AUH: variants seen among roughly 807,000 people sequenced by gnomAD.
AUH encodes methylglutaconyl-CoA hydratase, mitochondrial.
A neutral mutation model predicts 42.3 loss-of-function variants in AUH; 29 were observed. The ratio of observed to expected loss-of-function variants is 0.69; its 90% CI spans 0.51 to 0.93. AUH has a LOEUF of 0.93. Ranked by LOEUF, AUH falls within the 40% of genes least tolerant of loss-of-function variation. The pLI, the probability that AUH is intolerant of heterozygous loss-of-function variation, is 0.00. For synonymous variants in AUH, 174 were observed against 166.4 expected, an observed-to-expected ratio of 1.05 and a Z score of -0.35; for missense variants, 452 against 438.1, an observed-to-expected ratio of 1.03 and a Z score of -0.28.
intron 4 of AUH, among the ~76,000 whole-genome samples, chr9:91,298,768 A>G (rs1827549908): frequency 1.3e-5 from 2 of 152,214 alleles, no homozygotes; most frequent in Non-Finnish European, 2.9e-5. Context: ...AACTTTTGTA[A>G]ATTATGACAT....
rs146789616 is a variant in AUH, at chr9:91,269,740, T to C, written c.655+26281A>G. The stretch of plus-strand genomic sequence containing the variant: ...ATACAAAATGCAGTTGAAGAAATGT[T>C]TGAGTTCAGCTACCCCTTTATGACA... On this transcript the variant is annotated intron_variant, in intron 6 of 9. Coordinates refer to ENST00000375731, the MANE Select transcript of AUH (RefSeq NM_001698.3). Among the ~76,000 whole-genome samples the C allele has an allele frequency of 6.0e-4, 91 of 152,346 alleles. 1 individual carries two copies. The East Asian group carries it at 0.017, about 29-fold the overall frequency.
In AUH at chr9:91,361,774, G is replaced by A. The variant is rs767881118; in HGVS notation, c.116C>T (p.Ser39Leu). The A allele has an allele frequency of 1.3e-6, 2 of 1,544,264 alleles. No individual in the cohort carries two copies. The highest frequency in any genetic ancestry group is 1.7e-6 in the Non-Finnish European group (2 of 1,145,908). The part of the protein sequence containing the change: ...WLCPGLRLPG[S>L]LAGRRAGPAI... Reference sequence around the variant, plus strand: ...CGGGCCCGCTCGCCGGCCTGCCAACGAGCCGGGCAGCCTCAACCCCGGGCA... The same window carrying A: ...CGGGCCCGCTCGCCGGCCTGCCAACAAGCCGGGCAGCCTCAACCCCGGGCA... The change falls in exon 1 of 10, where the codon TCG (serine) becomes TTG (leucine). Residue 39 changes from serine (S) to leucine (L), a missense_variant. Physicochemically the swap from Ser to Leu is moderately radical, Grantham distance 145. Transcript: ENST00000375731.
intron 4 of AUH, among the ~76,000 whole-genome samples, chr9:91,314,084 A>G (rs111896692): frequency 2.2e-4 from 34 of 152,220 alleles, no homozygotes; most frequent in African/African-American, 8.2e-4. Flanking sequence ...TCAGGCTCCC[A>G]AAGTGTTAGG....
intron 6 of AUH, among the ~76,000 whole-genome samples, chr9:91,247,408 G>A (rs1254462141): frequency 6.6e-6 from 1 of 151,882 alleles, no homozygotes; most frequent in African/African-American, 2.4e-5. Flanking sequence ...ACTCCCACTG[G>A]TCCATTTTTC....
In AUH at chr9:91,299,038, G is replaced by A. The variant is rs1330742568; in HGVS notation, c.506-962C>T. On this transcript the variant is annotated intron_variant, in intron 4 of 9. Coordinates refer to ENST00000375731, the MANE Select transcript of AUH (RefSeq NM_001698.3). ...GTTCAAGACCAGCCTGGCCAACATG[G>A]TGAAACCTCATCTCTACAAAAATAC... is the stretch of plus-strand genomic sequence containing the variant. 2.6e-5 allele frequency among the ~76,000 whole-genome samples: 4 copies of A among 152,138 alleles called. No homozygotes were observed. In the East Asian group the frequency reaches 7.7e-4, roughly 29 times the overall value.
chr9:91,284,740 C>T (rs1826261304), intron 6 of AUH, among the ~76,000 whole-genome samples: 1 of 152,148 alleles, frequency 6.6e-6, no homozygotes. Flanking sequence ...CAGAGAAATG[C>T]AAATCAAAAC....
intron 6 of AUH, among the ~76,000 whole-genome samples, chr9:91,225,297 G>C (rs1827376286): frequency 6.6e-6 from 1 of 152,166 alleles, no homozygotes; most frequent in South Asian, 2.1e-4. Flanking sequence ...GCCATGCCTG[G>C]CATCAGACTG....
chr9:91,284,533 A>T (rs1281265059), intron 6 of AUH, among the ~76,000 whole-genome samples: 2 of 152,238 alleles, frequency 1.3e-5, no homozygotes, highest in Non-Finnish European at 2.9e-5. Context: ...GGCAACCTAC[A>T]GAATGGGAGA....
intron 4 of AUH, among the ~76,000 whole-genome samples, chr9:91,309,560 T>C (rs1463081674): frequency 1.3e-5 from 2 of 152,002 alleles, no homozygotes; most frequent in African/African-American, 4.8e-5. Context: ...AACTCGGAAA[T>C]AGAAAATCAA....
intron 6 of AUH, among the ~76,000 whole-genome samples, chr9:91,226,211 T>A (rs543095282): frequency 2.7e-4 from 41 of 150,746 alleles, no homozygotes; most frequent in Non-Finnish European, 1.3e-4. Flanking sequence ...CTCCAGCACC[T>A]GTTGTTTCCT....
chr9:91,281,093 T>TA (rs1825927816), intron 6 of AUH, among the ~76,000 whole-genome samples: 1 of 144,178 alleles, frequency 6.9e-6, no homozygotes, highest in African/African-American at 2.7e-5. Context: ...ATTTCTTTGA[T>TA]TTTTTCCCCC....
At chr9:91,234,850 C>G (rs1828087469) in intron 6 of AUH, among the ~76,000 whole-genome samples, 1 of 147,228 alleles carries the variant, frequency 6.8e-6, no homozygotes, top group African/African-American at 2.5e-5. Context: ...AGACAGCACA[C>G]TAGATGACTA....
chr9:91,264,244 T>C (rs1829852057), intron 6 of AUH, among the ~76,000 whole-genome samples: 1 of 152,164 alleles, frequency 6.6e-6, no homozygotes, highest in Non-Finnish European at 1.5e-5. Context: ...TACAATAAAT[T>C]TTAAAAATCT....
intron 6 of AUH, among the ~76,000 whole-genome samples, chr9:91,232,164 A>G (rs1038128090): frequency 2.6e-5 from 4 of 152,202 alleles, no homozygotes; most frequent in African/African-American, 7.2e-5. Context: ...GCAGGGGGAT[A>G]GCTTGAGCCC....
Position 91,361,664 on chromosome 9 carries a change from C to G in AUH, c.226G>C (p.Glu76Gln). 6.3e-7 allele frequency: 1 copy of G among 1,581,698 alleles called. No homozygotes were observed. The highest frequency in any genetic ancestry group is 8.6e-7 in the Non-Finnish European group (1 of 1,164,064). ...TCCTCCAGGTGCCGCACCCGCAGCTCGTCCTCCGTCTTCATCTCAGAGCTG... is the reference window on the plus strand; with the variant it reads ...TCCTCCAGGTGCCGCACCCGCAGCTGGTCCTCCGTCTTCATCTCAGAGCTG... Reference protein sequence around the residue: ...GYSSEMKTEDELRVRHLEEEN... With the variant: ...GYSSEMKTEDQLRVRHLEEEN... Residue 76 changes from glutamate to glutamine, a missense_variant, in exon 1 of 10, where the codon GAG becomes CAG. Physicochemically the swap from Glu to Gln is conservative, Grantham distance 29. Coordinates refer to ENST00000375731, the MANE Select transcript of AUH (RefSeq NM_001698.3).
chr9:91,304,864 C>A (rs1587819905), intron 4 of AUH, among the ~76,000 whole-genome samples: 1 of 152,114 alleles, frequency 6.6e-6, no homozygotes, highest in Non-Finnish European at 1.5e-5. Context: ...AACTTGTGCA[C>A]CAAGTAACAG....
chr9:91,296,830 C>A (rs1827373097), intron 5 of AUH, among the ~76,000 whole-genome samples: 1 of 152,180 alleles, frequency 6.6e-6, no homozygotes, highest in African/African-American at 2.4e-5. Context: ...GAAACTGAAT[C>A]ATGTTGACGC....
At chr9:91,316,730 A>G (rs561976346) in intron 4 of AUH, among the ~76,000 whole-genome samples, 10 of 152,326 alleles carry the variant, frequency 6.6e-5, no homozygotes, top group African/African-American at 1.9e-4. Context: ...AAGGCTGTAC[A>G]TATGTATGCA....
At chr9:91,323,986 T>C (rs1829786125) in intron 4 of AUH, among the ~76,000 whole-genome samples, 1 of 151,986 alleles carries the variant, frequency 6.6e-6, no homozygotes, top group African/African-American at 2.4e-5. Context: ...TGTGCGAGAA[T>C]CAACAGAGAA....
Sources: gnomAD v4.1 joint callset for allele counts (sites outside exome capture counted in the v4.1 genomes callset) on GRCh38, gnomAD v4.1.1 for gene constraint, MANE v1.5 for transcripts, NCBI Gene and HGNC (gene_info 2026-07-23, HGNC 2026-07-21) for gene names.